The following LRP1B variants were observed in gnomAD, a reference collection of about 807,000 sequenced individuals.
The protein encoded by LRP1B is low-density lipoprotein receptor-related protein 1B.
In LRP1B, 217 loss-of-function variants were observed where a neutral mutation model predicts 556.6. The observed-to-expected ratio is 0.39, with a 90% CI of 0.35 to 0.44. The LOEUF is 0.44. Ranked by LOEUF, LRP1B falls within the 20% of genes least tolerant of loss-of-function variation. The pLI is 1.00. For missense variants in LRP1B, 5,053 were observed against 5,620.8 expected, an observed-to-expected ratio of 0.90 and a Z score of 3.23; for synonymous variants, 2,047 against 1,865.8, an observed-to-expected ratio of 1.10 and a Z score of -2.50.
chr2:141,089,638 T>C (rs7573798), intron 7 of LRP1B, among the ~76,000 whole-genome samples: 54,927 of 152,072 alleles, frequency 0.36, 10,355 homozygotes, highest in East Asian at 0.66. Flanking sequence ...TGCATCCCAC[T>C]GGGGAAACTT....
chr2:140,277,248 C>CTAA (rs1257580546), intron 84 of LRP1B, among the ~76,000 whole-genome samples: 3 of 151,818 alleles, frequency 2.0e-5, no homozygotes, highest in Non-Finnish European at 4.4e-5. Flanking sequence ...CTGCAGTATG[C>CTAA]TAATTATAAG....
chr2:141,235,945 T>C (rs1285331281), intron 5 of LRP1B, among the ~76,000 whole-genome samples: 2 of 152,144 alleles, frequency 1.3e-5, no homozygotes, highest in African/African-American at 4.8e-5. Flanking sequence ...ATGATGAACT[T>C]ATTTTTAATT....
intron 7 of LRP1B, among the ~76,000 whole-genome samples, chr2:141,080,990 G>C (rs1050887191): frequency 7.9e-5 from 12 of 152,006 alleles, no homozygotes; most frequent in African/African-American, 2.9e-4. Flanking sequence ...ACACCATCAT[G>C]CCAGACAAAT....
chr2:140,288,605 GT>G (rs528492730), intron 84 of LRP1B, among the ~76,000 whole-genome samples: 51 of 151,904 alleles, frequency 3.4e-4, no homozygotes, highest in Admixed American at 3.2e-3. Context: ...CATAATTTAT[GT>G]GCTACATTGT....
rs1436082441 is a variant in LRP1B at position 141,169,544 on chromosome 2, C to T, written c.1013+18877G>A. On this transcript the variant is annotated intron_variant, in intron 7 of 90. Transcript: ENST00000389484. ...TGTCTGTCATGGATCCTGCACTGCA[C>T]GATACAGTGACATGAGATACAGAAA... Among the ~76,000 whole-genome samples, 5 of 151,562 alleles carry T rather than the reference C, an allele frequency of 3.3e-5. No homozygotes were observed. The East Asian group carries it at 5.9e-4, about 18-fold the overall frequency.
At chr2:141,472,426 A>G (rs13393425) in intron 3 of LRP1B, among the ~76,000 whole-genome samples, 128,856 of 151,772 alleles carry the variant, frequency 0.85, 55,310 homozygotes, top group East Asian at 0.97. Flanking sequence ...TGTAATTCCA[A>G]CTATTTGGGA....
intron 35 of LRP1B, among the ~76,000 whole-genome samples, chr2:140,744,380 G>C (rs992396064): frequency 3.3e-5 from 5 of 152,140 alleles, no homozygotes; most frequent in Admixed American, 6.6e-5. Context: ...CTGAAGGACA[G>C]TGTTTAAGAT....
At chr2:141,741,309 G>A (rs532498384) in intron 2 of LRP1B, among the ~76,000 whole-genome samples, 3 of 116,188 alleles carry the variant, frequency 2.6e-5, no homozygotes, top group South Asian at 5.8e-4. Flanking sequence ...ATATCTAGGA[G>A]TAGGATTACT....
Position 141,001,171 on chromosome 2 carries a change from T to A in LRP1B, c.2503+4164A>T, listed in dbSNP as rs537518493. 2.6e-5 allele frequency among the ~76,000 whole-genome samples: 4 copies of A among 152,198 alleles called. No individual in the cohort carries two copies. The South Asian group carries it at 8.3e-4, about 32-fold the overall frequency. ...CAAACATAAAAACTTATCAGATCTC[T>A]GAGAGTTTGGCCTCTTGATCATTGT... On this transcript the variant is annotated intron_variant, in intron 15 of 90. Transcript: ENST00000389484.
chr2:141,441,820 T>A (rs1304208963), intron 3 of LRP1B, among the ~76,000 whole-genome samples: 1 of 152,214 alleles, frequency 6.6e-6, no homozygotes, highest in Admixed American at 6.5e-5. Context: ...CAAGTTGAAC[T>A]GAGACTTCTT....
At chr2:142,097,659 G>C (rs543696575) in intron 1 of LRP1B, among the ~76,000 whole-genome samples, 1 of 151,546 alleles carries the variant, frequency 6.6e-6, no homozygotes, top group Non-Finnish European at 1.5e-5. Context: ...CATACACAGA[G>C]CTATCTACTG....
chr2:141,039,374 A>C (rs1172392817), intron 11 of LRP1B, among the ~76,000 whole-genome samples: 1 of 152,050 alleles, frequency 6.6e-6, no homozygotes, highest in African/African-American at 2.4e-5. Context: ...TTTATAAATT[A>C]AATTTTATCA....
chr2:140,590,418 C>T (rs762504803), intron 43 of LRP1B, among the ~76,000 whole-genome samples: 1 of 151,364 alleles, frequency 6.6e-6, no homozygotes, highest in African/African-American at 2.4e-5. Context: ...ACTGTGCCTC[C>T]TTGCAAAATT....
At chr2:142,125,246 T>A (rs1412571649) in intron 1 of LRP1B, among the ~76,000 whole-genome samples, 1 of 151,800 alleles carries the variant, frequency 6.6e-6, no homozygotes, top group African/African-American at 2.4e-5. Context: ...AAACAGCATA[T>A]ACATTTGGAA....
At chr2:140,423,722 G>A (rs548878130) in intron 66 of LRP1B, among the ~76,000 whole-genome samples, 1 of 152,204 alleles carries the variant, frequency 6.6e-6, no homozygotes, top group South Asian at 2.1e-4. Context: ...TAGAGCTAGA[G>A]CTTGAGGAAT....
chr2:140,263,319 G>T (rs939277428), intron 86 of LRP1B, among the ~76,000 whole-genome samples: 1 of 152,004 alleles, frequency 6.6e-6, no homozygotes, highest in African/African-American at 2.4e-5. Flanking sequence ...ATTTTGCCCT[G>T]TCTCTGACCC....
intron 3 of LRP1B, among the ~76,000 whole-genome samples, chr2:141,305,459 G>A (rs1169705625): frequency 6.6e-6 from 1 of 152,062 alleles, no homozygotes; most frequent in African/African-American, 2.4e-5. Flanking sequence ...GAATTTACTG[G>A]ATTTGTTTGT....
At chr2:140,898,869 A>G in intron 23 of LRP1B, 1 of 424,804 alleles carries the variant, frequency 2.4e-6, no homozygotes, top group East Asian at 6.6e-5. Context: ...CTGACATAGT[A>G]GGAGAGCTGC....
chr2:140,334,605 A>G (rs566239632), intron 78 of LRP1B, 46 bp from the exon 79 acceptor site: 2 of 1,061,028 alleles, frequency 1.9e-6, no homozygotes, highest in South Asian at 1.6e-5. Context: ...TGGTGCTGCT[A>G]TAACCAGACT....
Sources: allele counts gnomAD v4.1 joint callset (sites outside exome capture counted in the v4.1 genomes callset), GRCh38; gene constraint gnomAD v4.1.1; transcripts MANE v1.5; gene names NCBI Gene and HGNC (gene_info 2026-07-23, HGNC 2026-07-21).